The following DRC7 variants were observed in gnomAD, a reference collection of about 807,000 sequenced individuals.
DRC7 encodes dynein regulatory complex subunit 7.
Under a neutral mutation model 104.4 loss-of-function variants are expected in DRC7, and 80 were observed. That is an observed-to-expected ratio of 0.77 (90% CI 0.64 to 0.92). DRC7 has a LOEUF of 0.92. DRC7 is among the 40% of genes least tolerant of loss of function. The pLI is 0.00. For synonymous variants in DRC7, 405 were observed against 447.3 expected (o/e 0.91, Z 1.19); for missense variants, 1,034 against 1,141.1 (o/e 0.91, Z 1.35).
intron 6 of DRC7, among the ~76,000 whole-genome samples, chr16:57,704,605 C>T (rs74022033): frequency 2.1e-3 from 322 of 152,256 alleles, no homozygotes; most frequent in African/African-American, 7.4e-3. Flanking sequence ...GTACCTCCCT[C>T]GGGCATTTTT....
intron 8 of DRC7, among the ~76,000 whole-genome samples, chr16:57,710,374 C>T (rs574942213): frequency 1.3e-5 from 2 of 152,312 alleles, no homozygotes; most frequent in East Asian, 3.9e-4. Context: ...ATCCTGAAAT[C>T]TTCCCAAATT....
At position 57,726,881 on chromosome 16, in the gene DRC7, T is replaced by TG. The variant is rs755885936; in HGVS notation, c.2025dup (p.Met676AspfsTer43). ...AAGCTGCTCTACCAGTACGAGGCCA[T>TG]GATGCACCTGAAGAGGGAGGAGAAG... On this transcript the variant is annotated frameshift_variant, in exon 15 of 19. Coordinates refer to ENST00000360716, the MANE Select transcript of DRC7 (RefSeq NM_001289162.2). LOFTEE classifies it high-confidence loss of function. 1 of 1,613,244 alleles carries TG rather than the reference T, an allele frequency of 6.2e-7. No individual in the cohort carries two copies. Among genetic ancestry groups the TG allele is most frequent in the South Asian group, 1.1e-5 (1 of 90,984 alleles).
intron 5 of DRC7, chr16:57,701,355 C>T (rs1488656942): frequency 6.5e-6 from 1 of 152,938 alleles, no homozygotes; most frequent in East Asian, 1.9e-4. Flanking sequence ...GAGACAGCCA[C>T]TTGCCTGAGG....
At chr16:57,699,573 C>T (rs1300776890) in intron 4 of DRC7, among the ~76,000 whole-genome samples, 1 of 152,118 alleles carries the variant, frequency 6.6e-6, no homozygotes, top group African/African-American at 2.4e-5. Context: ...TTATGCCTGT[C>T]CTGGTCCAAT....
chr16:57,731,624 T>C lies in DRC7; in HGVS notation c.*366T>C. The C allele has an allele frequency of 3.7e-6, 1 of 270,800 alleles. No homozygotes were observed. The highest frequency in any genetic ancestry group is 7.1e-6 in the Non-Finnish European group (1 of 140,428). 16.8% of individuals were successfully genotyped at this position (270,800 alleles called of 1,614,324 possible). ...CTCTGCAGATGGTCCCACAGCCATC[T>C]GCAAACAACTGGTTATATCTCAATG... On this transcript the variant is annotated 3_prime_UTR_variant, in exon 19 of 19. Transcript: ENST00000360716.
At chr16:57,699,473 C>A (rs780199355) in intron 4 of DRC7, among the ~76,000 whole-genome samples, 3 of 152,176 alleles carry the variant, frequency 2.0e-5, no homozygotes, top group Non-Finnish European at 2.9e-5. Flanking sequence ...CATGTCATTC[C>A]ATCTACAGAT....
chr16:57,715,994 C>T (rs888103536), intron 8 of DRC7, among the ~76,000 whole-genome samples: 4 of 152,212 alleles, frequency 2.6e-5, no homozygotes, highest in African/African-American at 9.6e-5. Context: ...TTTGTTTCTT[C>T]AAAGAACCTT....
Position 57,728,393 on chromosome 16 carries a change from C to G in DRC7, c.2200C>G (p.Arg734Gly). 1 of 1,593,576 alleles carries G rather than the reference C, an allele frequency of 6.3e-7. No individual in the cohort carries two copies. Among genetic ancestry groups the G allele is most frequent in the Non-Finnish European group, 8.6e-7 (1 of 1,168,732 alleles). ...KSKEYREAME[R>G]MMHEEHLRQV... ...TATCTGCCCCTCACCTTTACAGGAG[C>G]GCATGATGCACGAAGAGCACCTGCG... is the stretch of plus-strand genomic sequence containing the variant. The change falls in exon 17 of 19, where the codon CGC (arginine) becomes GGC (glycine). Residue 734 changes from arginine (R) to glycine (G), a missense_variant. Coordinates refer to ENST00000360716, the MANE Select transcript of DRC7 (RefSeq NM_001289162.2).
Position 57,707,598 on chromosome 16 carries a change from G to A in DRC7, c.997G>A (p.Glu333Lys), listed in dbSNP as rs116685636. Reference protein sequence around the residue: ...FTGHSYSTQDEHFLGIESLWN... With the variant: ...FTGHSYSTQDKHFLGIESLWN... ...AGGACATAGCTACAGCACCCAGGATGAGCACTTCCTGGGCATCGAAAGCCT... is the reference window on the plus strand; with the variant it reads ...AGGACATAGCTACAGCACCCAGGATAAGCACTTCCTGGGCATCGAAAGCCT... Residue 333 changes from glutamate (E) to lysine (K), a missense_variant, in exon 8 of 19, where the codon GAG (glutamate) becomes AAG (lysine). Physicochemically the swap from Glu to Lys is moderately conservative, Grantham distance 56. Coordinates refer to ENST00000360716, the MANE Select transcript of DRC7 (RefSeq NM_001289162.2). 5.0e-6 allele frequency: 8 copies of A among 1,613,630 alleles called. No homozygotes were observed. The highest frequency in any genetic ancestry group is 1.3e-5 in the African/African-American group (1 of 75,044).
intron 18 of DRC7, 40 bp from the exon 19 acceptor site, chr16:57,731,125 T>G (rs1331866228): frequency 6.2e-7 from 1 of 1,613,614 alleles, no homozygotes; most frequent in African/African-American, 1.3e-5. Context: ...CCACCAGCTT[T>G]GTAACCCCTC....
At position 57,697,946 on chromosome 16, in the gene DRC7, C is replaced by T; in HGVS notation, c.-4C>T. The T allele has an allele frequency of 6.2e-7, 1 of 1,611,584 alleles. No homozygotes were observed. Among genetic ancestry groups the T allele is most frequent in the Non-Finnish European group, 8.5e-7 (1 of 1,179,388 alleles). ...CATCTCCAGACACCCAGAGACGCTCCAGAATGGAGGTCCTGAGGGAGAAGG... is the reference window on the plus strand; with the variant it reads ...CATCTCCAGACACCCAGAGACGCTCTAGAATGGAGGTCCTGAGGGAGAAGG... On this transcript the variant is annotated 5_prime_UTR_variant, in exon 3 of 19. Coordinates refer to ENST00000360716, the MANE Select transcript of DRC7 (RefSeq NM_001289162.2).
intron 9 of DRC7, among the ~76,000 whole-genome samples, chr16:57,721,415 A>G (rs2048900727): frequency 6.6e-6 from 1 of 152,126 alleles, no homozygotes; most frequent in Non-Finnish European, 1.5e-5. Flanking sequence ...CACCTCTCTA[A>G]TCACGAAGGG....
chr16:57,701,959 C>G lies in DRC7; in HGVS notation c.528C>G (p.Thr176=), dbSNP rs771636598. 1.2e-6 allele frequency: 2 copies of G among 1,614,164 alleles called. No homozygotes were observed. Among genetic ancestry groups the G allele is most frequent in the Non-Finnish European group, 1.7e-6 (2 of 1,180,016 alleles). ...AGCCCTCGCACCTGTACTCCTCGACCACTGTGCTCAAGTACCAGAAGGGGA... is the reference window on the plus strand; with the variant it reads ...AGCCCTCGCACCTGTACTCCTCGACGACTGTGCTCAAGTACCAGAAGGGGA... The part of the protein sequence containing the change: ...LKPPSHLYSS[T]TVLKYQKGNC... The change falls in exon 6 of 19, where the codon ACC becomes ACG. Residue 176 remains threonine (T), a synonymous_variant. Coordinates refer to ENST00000360716, the MANE Select transcript of DRC7 (RefSeq NM_001289162.2).
intron 8 of DRC7, chr16:57,714,455 T>TA (rs2048820265): frequency 6.4e-6 from 1 of 157,008 alleles, no homozygotes; most frequent in South Asian, 1.8e-4. Flanking sequence ...ACCTCGTCTC[T>TA]ATAAAAAAAA....
At chr16:57,729,586 G>A (rs1349679043) in intron 17 of DRC7, among the ~76,000 whole-genome samples, 1 of 72,360 alleles carries the variant, frequency 1.4e-5, no homozygotes. Context: ...GGATGAGTGG[G>A]TGGGTGGATG....
In DRC7 at chr16:57,727,390, A is replaced by G; in HGVS notation, c.2177A>G (p.Lys726Arg). ...GACACCAAGCGGAATGAGAAGAGCA[A>G]GGAATATCGGGAGGCCATGGTCAGT... is the stretch of plus-strand genomic sequence containing the variant. The part of the protein sequence containing the change: ...IYDTKRNEKS[K>R]EYREAMERMM... Residue 726 changes from lysine (K) to arginine (R), a missense_variant, in exon 16 of 19, where the codon AAG (lysine) becomes AGG (arginine). Coordinates refer to ENST00000360716, the MANE Select transcript of DRC7 (RefSeq NM_001289162.2). 6.2e-7 allele frequency: 1 copy of G among 1,613,170 alleles called. No homozygotes were observed. Among genetic ancestry groups the G allele is most frequent in the African/African-American group, 1.3e-5 (1 of 75,012 alleles).
chr16:57,728,784 G>T (rs1295764307), intron 17 of DRC7, among the ~76,000 whole-genome samples, 200 bp downstream of exon 17: 3 of 140,264 alleles, frequency 2.1e-5, no homozygotes, highest in Non-Finnish European at 4.7e-5. Flanking sequence ...ATAGGGGGAT[G>T]GATGGATGTA....
In DRC7 at chr16:57,704,926, C is replaced by T. The variant is rs535550347; in HGVS notation, c.750C>T (p.Pro250=). The T allele has an allele frequency of 6.2e-7, 1 of 1,613,782 alleles. No homozygotes were observed. The highest frequency in any genetic ancestry group is 1.7e-5 in the Admixed American group (1 of 60,006). The change falls in exon 7 of 19, where the codon CCC becomes CCT. Residue 250 remains proline (P), a synonymous_variant. Coordinates refer to ENST00000360716, the MANE Select transcript of DRC7 (RefSeq NM_001289162.2). The stretch of plus-strand genomic sequence containing the variant: ...TGCCTAAGAAGTATACCATCAAACC[C>T]CCCAGGGACCTGTGCAGCAGGTTTG... ...KVLPKKYTIK[P]PRDLCSRFEQ... is the part of the protein sequence containing the mutation.
chr16:57,721,877 A>G (rs58935089), intron 10 of DRC7, 138 bp downstream of exon 10: 3 of 600,166 alleles, frequency 5.0e-6, no homozygotes, highest in East Asian at 6.0e-5. Context: ...CTTCAGCTGC[A>G]CCCTCCCTCC....
Sources: allele counts gnomAD v4.1 joint callset (sites outside exome capture counted in the v4.1 genomes callset), GRCh38; gene constraint gnomAD v4.1.1; transcripts MANE v1.5; gene names NCBI Gene and HGNC (gene_info 2026-07-23, HGNC 2026-07-21).